Variants in INSL6 observed in about 807,000 individuals in gnomAD.
INSL6 encodes the protein insulin like 6.
Under a neutral mutation model 9.4 loss-of-function variants are expected in INSL6, and 16 were observed. The observed-to-expected ratio is 1.70, with a 90% CI of 1.15 to 2.59. The LOEUF (loss-of-function observed/expected upper bound fraction) is 2.59, where lower values mean the gene tolerates loss of function less well. Among genes scored for constraint, INSL6 ranks in the 30% most tolerant of loss-of-function variants. INSL6 has a pLI of 0.00. For synonymous variants in INSL6, 154 were observed against 96.9 expected (o/e 1.59, Z -3.46); for missense variants, 391 against 257.3 (o/e 1.52, Z -3.56).
the INSL6 span, among the ~76,000 whole-genome samples, chr9:5,081,127 T>C: frequency 3.9e-4 from 60 of 152,000 alleles, no homozygotes; most frequent in African/African-American, 1.3e-3. Context: ...GATCTCCTGA[T>C]CTTGTGATCC....
At chr9:5,028,283 A>C in the INSL6 span, among the ~76,000 whole-genome samples, 1 of 152,208 alleles carries the variant, frequency 6.6e-6, no homozygotes, top group South Asian at 2.1e-4. Flanking sequence ...TCAATGAGTA[A>C]TAATACTTGG....
intron 3 of INSL6, chr9:5,128,158 T>TAA (rs1824127759): frequency 4.3e-6 from 1 of 231,904 alleles, no homozygotes. Flanking sequence ...CTGTTTTGAT[T>TAA]AAAAAGAAAA....
At chr9:5,043,660 G>T in the INSL6 span, among the ~76,000 whole-genome samples, 1 of 152,106 alleles carries the variant, frequency 6.6e-6, no homozygotes. Flanking sequence ...TCATACTAGC[G>T]TTATTCACAA....
chr9:5,002,089 T>C, the INSL6 span, among the ~76,000 whole-genome samples: 3 of 151,972 alleles, frequency 2.0e-5, no homozygotes, highest in Non-Finnish European at 4.4e-5. Context: ...TTGATCATCT[T>C]AGAGGTTTAT....
the INSL6 span, chr9:5,050,941 G>C: frequency 1.1e-6 from 1 of 870,790 alleles, no homozygotes; most frequent in African/African-American, 1.7e-5. Flanking sequence ...TACTAGTTAA[G>C]TACTCCTTAT....
At chr9:5,016,467 T>C in the INSL6 span, among the ~76,000 whole-genome samples, 2 of 152,118 alleles carry the variant, frequency 1.3e-5, no homozygotes, top group Non-Finnish European at 2.9e-5. Context: ...TTGCAAAATA[T>C]ATGAAGAAAT....
the INSL6 span, among the ~76,000 whole-genome samples, chr9:5,091,784 T>C: frequency 1.3e-5 from 2 of 152,156 alleles, no homozygotes; most frequent in African/African-American, 4.8e-5. Flanking sequence ...TGGTGAATTG[T>C]AGCTGAATAA....
At chr9:5,165,067 C>G (rs571162952) in intron 1 of INSL6, among the ~76,000 whole-genome samples, 2 of 152,264 alleles carry the variant, frequency 1.3e-5, no homozygotes, top group East Asian at 3.9e-4. Flanking sequence ...AAAAATTAGC[C>G]AGGCATGGTG....
chr9:5,000,989 C>A, the INSL6 span, among the ~76,000 whole-genome samples: 1 of 152,110 alleles, frequency 6.6e-6, no homozygotes, highest in African/African-American at 2.4e-5. Flanking sequence ...ATCAAAAATA[C>A]AGAATAAAAA....
At chr9:5,072,712 C>A in the INSL6 span, 1 of 1,025,120 alleles carries the variant, frequency 9.8e-7, no homozygotes, top group South Asian at 3.6e-5. Context: ...ATGTGTGCAG[C>A]TTTTCAAAAT....
At chr9:5,151,715 A>C (rs1824716778) in intron 2 of INSL6, among the ~76,000 whole-genome samples, 1 of 152,210 alleles carries the variant, frequency 6.6e-6, no homozygotes, top group Admixed American at 6.5e-5. Context: ...AACCCAATAG[A>C]ATGCAAAAAA....
intron 2 of INSL6, among the ~76,000 whole-genome samples, chr9:5,155,758 G>A (rs11787793): frequency 0.33 from 49,078 of 147,806 alleles, 8,538 homozygotes; most frequent in African/African-American, 0.44. Context: ...ATCACACACC[G>A]GGGCCTGTTT....
chr9:5,172,046 C>A (rs949769654), intron 1 of INSL6, among the ~76,000 whole-genome samples: 9 of 152,250 alleles, frequency 5.9e-5, no homozygotes, highest in Admixed American at 4.6e-4. Context: ...GCAAAAAGAA[C>A]AAAGCTGAAG....
the INSL6 span, among the ~76,000 whole-genome samples, chr9:5,082,945 C>A: frequency 6.6e-6 from 1 of 152,214 alleles, no homozygotes; most frequent in Non-Finnish European, 1.5e-5. Context: ...TTTCTTATGT[C>A]TTCCTTTTCT....
chr9:5,005,374 G>A, the INSL6 span, among the ~76,000 whole-genome samples: 3 of 151,734 alleles, frequency 2.0e-5, no homozygotes, highest in Admixed American at 6.6e-5. Context: ...CTTATCATAT[G>A]GATGGCTTGA....
the INSL6 span, chr9:5,041,047 G>C: frequency 1.5e-6 from 1 of 682,586 alleles, no homozygotes; most frequent in Non-Finnish European, 2.7e-6. Flanking sequence ...AAGCAGCTCA[G>C]CGCCATAGAG....
chr9:5,126,598 GC>G, intron 3 of INSL6: 1 of 994,600 alleles, frequency 1.0e-6, no homozygotes, highest in Non-Finnish European at 1.5e-6. Flanking sequence ...TATGACATGT[GC>G]CCTGTATTGA....
the INSL6 span, among the ~76,000 whole-genome samples, chr9:5,061,171 C>T: frequency 6.6e-6 from 1 of 152,174 alleles, no homozygotes; most frequent in Non-Finnish European, 1.5e-5. Context: ...TAGCATAATT[C>T]GCAGAGCCCT....
At chr9:5,177,844 TGCCAGACTGTG>T (rs1222284732) in intron 1 of INSL6, among the ~76,000 whole-genome samples, 6 of 152,162 alleles carry the variant, frequency 3.9e-5, no homozygotes, top group Non-Finnish European at 1.5e-5. Flanking sequence ...ACAGCTGCTG[TGCCAGACTGTG>T]GCCAGACTGC....
Sources: allele counts gnomAD v4.1 joint callset (sites outside exome capture counted in the v4.1 genomes callset), GRCh38; gene constraint gnomAD v4.1.1; transcripts MANE v1.5; gene names NCBI Gene and HGNC (gene_info 2026-07-23, HGNC 2026-07-21).